CLIP4: variants seen among roughly 807,000 people sequenced by gnomAD.
The protein encoded by CLIP4 is CAP-Gly domain-containing linker protein 4.
CLIP4 carries 47 observed loss-of-function variants against 73.1 expected under a neutral mutation model. The ratio of observed to expected loss-of-function variants is 0.64; its 90% CI spans 0.51 to 0.82. CLIP4 has a LOEUF of 0.82. Ranked by LOEUF, CLIP4 falls within the 40% of genes least tolerant of loss-of-function variation. The pLI is 0.00. For missense variants in CLIP4, 874 were observed against 852.9 expected (o/e 1.02, Z -0.31); for synonymous variants, 306 against 295.4 (o/e 1.04, Z -0.37).
At chr2:29,128,215 G>C (rs1228297961) in intron 2 of CLIP4, among the ~76,000 whole-genome samples, 1 of 135,026 alleles carries the variant, frequency 7.4e-6, no homozygotes, top group Non-Finnish European at 1.6e-5. Flanking sequence ...TAAAGAAATA[G>C]AACAAGATTT....
At chr2:29,110,188 G>T (rs1668348997) in intron 1 of CLIP4, among the ~76,000 whole-genome samples, 1 of 152,192 alleles carries the variant, frequency 6.6e-6, no homozygotes, top group Non-Finnish European at 1.5e-5. Flanking sequence ...GCACAACCAG[G>T]AATGAGAAGC....
chr2:29,128,673 A>T (rs945093052), intron 2 of CLIP4, among the ~76,000 whole-genome samples: 1 of 152,186 alleles, frequency 6.6e-6, no homozygotes, highest in Non-Finnish European at 1.5e-5. Context: ...CATTATTTTG[A>T]TATGAATGAT....
At chr2:29,171,631 G>A (rs1003897232) in intron 14 of CLIP4, among the ~76,000 whole-genome samples, 2 of 150,910 alleles carry the variant, frequency 1.3e-5, no homozygotes, top group African/African-American at 2.4e-5. Flanking sequence ...CCATCCTCCT[G>A]CCTCAGCCTC....
At chr2:29,133,916 T>C in intron 5 of CLIP4, 100 bp downstream of exon 5, 1 of 983,570 alleles carries the variant, frequency 1.0e-6, no homozygotes, top group East Asian at 2.6e-5. Flanking sequence ...TAATCCATCT[T>C]GTTTCATATG....
At chr2:29,150,262 C>T (rs1211225693) in intron 8 of CLIP4, among the ~76,000 whole-genome samples, 2 of 152,160 alleles carry the variant, frequency 1.3e-5, no homozygotes, top group East Asian at 1.9e-4. Context: ...AGAAGAGAAA[C>T]ATTTTATGGT....
At chr2:29,151,221 G>T (rs1666541743) in intron 8 of CLIP4, among the ~76,000 whole-genome samples, 1 of 152,078 alleles carries the variant, frequency 6.6e-6, no homozygotes, top group Non-Finnish European at 1.5e-5. Context: ...ATGAAACCTT[G>T]TAACGTTTGT....
At chr2:29,152,871 ATT>A in intron 9 of CLIP4, 43 bp downstream of exon 9, 1 of 1,593,526 alleles carries the variant, frequency 6.3e-7, no homozygotes. Flanking sequence ...CAGTGTTTTA[ATT>A]TTATTTGTAG....
intron 15 of CLIP4, among the ~76,000 whole-genome samples, chr2:29,176,057 G>A (rs1668325983): frequency 2.0e-5 from 3 of 152,200 alleles, no homozygotes; most frequent in South Asian, 2.1e-4. Context: ...CACCGCACCC[G>A]GCTGAGAATA....
chr2:29,176,666 C>T (rs112722931), intron 15 of CLIP4, among the ~76,000 whole-genome samples: 7,292 of 152,260 alleles, frequency 0.048, 256 homozygotes, highest in South Asian at 0.15. Flanking sequence ...TCAGAGGGAC[C>T]TGATAGGCAT....
chr2:29,118,499 G>C (rs1664022789), intron 1 of CLIP4: 1 of 151,974 alleles, frequency 6.6e-6, no homozygotes, highest in South Asian at 2.1e-4. Context: ...CTGTTCTGTA[G>C]ACAGTTGATT....
intron 1 of CLIP4, among the ~76,000 whole-genome samples, chr2:29,116,808 A>G (rs558334464): frequency 6.6e-6 from 1 of 152,216 alleles, no homozygotes; most frequent in Non-Finnish European, 1.5e-5. Context: ...TAGAAGATTT[A>G]GCCCATGGTA....
chr2:29,110,173 C>G (rs544033041), intron 1 of CLIP4, among the ~76,000 whole-genome samples: 1 of 152,280 alleles, frequency 6.6e-6, no homozygotes, highest in South Asian at 2.1e-4. Flanking sequence ...CCAGGTGATT[C>G]TAATGCACAA....
intron 1 of CLIP4, among the ~76,000 whole-genome samples, chr2:29,107,241 A>G (rs977825447): frequency 4.6e-5 from 7 of 152,072 alleles, no homozygotes; most frequent in African/African-American, 1.7e-4. Context: ...AACAACTGCC[A>G]GAAAGACAAC....
intron 1 of CLIP4, among the ~76,000 whole-genome samples, chr2:29,105,410 G>A (rs1668171759): frequency 6.6e-6 from 1 of 152,202 alleles, no homozygotes; most frequent in South Asian, 2.1e-4. Flanking sequence ...TTAAGAGAAT[G>A]TAAGAGACAT....
At position 29,105,019 on chromosome 2, in the gene CLIP4, CAT is replaced by C. The variant is rs143453646; in HGVS notation, c.-16+7075_-16+7076del. On this transcript the variant is annotated intron_variant, in intron 1 of 14. Coordinates refer to the CLIP4 transcript ENST00000401605. ...GGACTCTGCTTTTGTCCAATGGGCA[CAT>C]ATCCAAAAGATTATATATTATTACA... 8.7e-3 allele frequency among the ~76,000 whole-genome samples: 1,326 copies of C among 152,258 alleles called. 16 individuals are homozygous for C. The highest frequency in any genetic ancestry group is 0.031 in the African/African-American group (1,270 of 41,544).
chr2:29,152,745 A>T lies in CLIP4; in HGVS notation c.1082A>T (p.His361Leu), dbSNP rs113238695. 88 of 1,613,792 alleles carry T rather than the reference A, an allele frequency of 5.5e-5. No individual in the cohort carries two copies. Among genetic ancestry groups the T allele is most frequent in the Non-Finnish European group, 7.0e-5 (83 of 1,179,800 alleles). ...AAAGGTCGAAGGAAGAATATAACAC[A>T]CACTCCTTCTACAAAAGCTGCTGTA... The part of the protein sequence containing the change: ...KAKGRRKNIT[H>L]TPSTKAAVPL... Residue 361 changes from histidine to leucine, a missense_variant, in exon 9 of 16, where the codon CAC (histidine) becomes CTC (leucine). Coordinates refer to ENST00000320081, the MANE Select transcript of CLIP4 (RefSeq NM_024692.6).
intron 9 of CLIP4, among the ~76,000 whole-genome samples, chr2:29,155,629 GA>G (rs1222981091): frequency 6.6e-6 from 1 of 152,090 alleles, no homozygotes; most frequent in African/African-American, 2.4e-5. Context: ...AAAATGTAAT[GA>G]AAAATAAAAA....
At chr2:29,142,362 A>G (rs1195470836) in intron 6 of CLIP4, among the ~76,000 whole-genome samples, 6 of 152,006 alleles carry the variant, frequency 3.9e-5, no homozygotes, top group Non-Finnish European at 7.4e-5. Flanking sequence ...AATTAACAGA[A>G]GTGTGTGACA....
chr2:29,132,455 T>G, intron 4 of CLIP4: 2 of 529,584 alleles, frequency 3.8e-6, no homozygotes, highest in Non-Finnish European at 6.7e-6. Flanking sequence ...CTCTTAACTT[T>G]TCTGGATCAG....
Sources: gnomAD v4.1 joint callset for allele counts (sites outside exome capture counted in the v4.1 genomes callset) on GRCh38, gnomAD v4.1.1 for gene constraint, MANE v1.5 for transcripts, NCBI Gene and HGNC (gene_info 2026-07-23, HGNC 2026-07-21) for gene names.